ANKRD30BL: variants seen among roughly 807,000 people sequenced by gnomAD.
ANKRD30BL encodes putative ankyrin repeat domain-containing protein 30B-like.
A neutral mutation model predicts 18.4 loss-of-function variants in ANKRD30BL; 20 were observed. The observed-to-expected ratio is 1.09, with a 90% CI of 0.77 to 1.58. ANKRD30BL has a LOEUF of 1.58. ANKRD30BL is among the 40% of genes most tolerant of loss of function. ANKRD30BL has a pLI of 0.00. For synonymous variants in ANKRD30BL, 72 were observed against 100.9 expected (o/e 0.71, Z 1.72); for missense variants, 224 against 268.6 (o/e 0.83, Z 1.16).
chr2:132,148,927 C>T (rs1687686466), intron 5 of ANKRD30BL, among the ~76,000 whole-genome samples: 1 of 151,920 alleles, frequency 6.6e-6, no homozygotes, highest in South Asian at 2.1e-4. Flanking sequence ...TTAATGATAC[C>T]TGACAGTTAT....
intron 1 of ANKRD30BL, among the ~76,000 whole-genome samples, chr2:132,177,970 G>C (rs1049598397): frequency 6.6e-5 from 10 of 152,028 alleles, no homozygotes; most frequent in Non-Finnish European, 1.5e-4. Flanking sequence ...CATTAGAATT[G>C]TATGGGAGCT....
chr2:132,147,951 G>A lies in ANKRD30BL; in HGVS notation c.*180C>T, dbSNP rs2104911781. 1.7e-6 allele frequency: 1 copy of A among 582,906 alleles called. No individual in the cohort carries two copies. Among genetic ancestry groups the A allele is most frequent in the African/African-American group, 1.9e-5 (1 of 51,970 alleles). The allele number at this position is 582,906 out of a possible 1,614,324, so 36.1% of individuals were successfully genotyped here. On this transcript the variant is annotated 3_prime_UTR_variant, in exon 6 of 6. Transcript: ENST00000409867. ...GCTGTTTAATGAAACTAGGGGCAAG[G>A]AGGCATAACGAACGAGGAAGTTAAA...
At chr2:132,192,282 T>C (rs919486195) in intron 1 of ANKRD30BL, among the ~76,000 whole-genome samples, 2 of 152,084 alleles carry the variant, frequency 1.3e-5, no homozygotes, top group African/African-American at 4.8e-5. Context: ...CCAGGCTCCA[T>C]TGTGAACAGC....
intron 1 of ANKRD30BL, among the ~76,000 whole-genome samples, chr2:132,212,964 G>A (rs1490501267): frequency 6.6e-6 from 1 of 151,822 alleles, no homozygotes; most frequent in African/African-American, 2.4e-5. Flanking sequence ...AGCCTGTGGT[G>A]GAAAACGAAA....
chr2:132,233,855 C>T (rs62166174), intron 1 of ANKRD30BL, among the ~76,000 whole-genome samples: 8,937 of 151,664 alleles, frequency 0.059, 317 homozygotes, highest in South Asian at 0.12. Flanking sequence ...ATCTACAGAA[C>T]TCTCCACCCC....
chr2:132,188,117 T>C (rs1393933431), intron 1 of ANKRD30BL, among the ~76,000 whole-genome samples: 1 of 152,194 alleles, frequency 6.6e-6, no homozygotes, highest in African/African-American at 2.4e-5. Context: ...TCATATTTTC[T>C]GTGCTGTAAG....
At chr2:132,243,540 G>A (rs1197758342) in intron 1 of ANKRD30BL, among the ~76,000 whole-genome samples, 1 of 151,552 alleles carries the variant, frequency 6.6e-6, no homozygotes, top group Non-Finnish European at 1.5e-5. Context: ...CAGCACTGAG[G>A]ATTTCATTGG....
At chr2:132,230,256 A>C (rs888585647) in intron 1 of ANKRD30BL, among the ~76,000 whole-genome samples, 1 of 152,138 alleles carries the variant, frequency 6.6e-6, no homozygotes, top group Non-Finnish European at 1.5e-5. Flanking sequence ...AGAATCTGCA[A>C]GTGAATTTAT....
intron 1 of ANKRD30BL, among the ~76,000 whole-genome samples, chr2:132,225,605 A>G (rs1481436654): frequency 1.3e-5 from 2 of 152,052 alleles, no homozygotes; most frequent in Non-Finnish European, 2.9e-5. Flanking sequence ...CTCTTTTTGT[A>G]GAGTCTACAA....
chr2:132,230,839 C>A (rs1431280809), intron 1 of ANKRD30BL, among the ~76,000 whole-genome samples: 1 of 152,072 alleles, frequency 6.6e-6, no homozygotes, highest in Non-Finnish European at 1.5e-5. Context: ...TACACAGAAG[C>A]ATTCTCAGAA....
chr2:132,220,974 C>T (rs1322515088), intron 1 of ANKRD30BL, among the ~76,000 whole-genome samples: 6 of 151,454 alleles, frequency 4.0e-5, no homozygotes, highest in African/African-American at 7.3e-5. Flanking sequence ...TCTGCCCGGC[C>T]GCCCATCGTC....
intron 1 of ANKRD30BL, among the ~76,000 whole-genome samples, chr2:132,232,454 G>A (rs564040091): frequency 5.3e-4 from 81 of 152,192 alleles, no homozygotes; most frequent in African/African-American, 1.5e-3. Context: ...TTAGAAGCAC[G>A]TATAACTAGA....
intron 1 of ANKRD30BL, among the ~76,000 whole-genome samples, chr2:132,249,699 T>C (rs1680600914): frequency 1.3e-5 from 2 of 152,194 alleles, no homozygotes; most frequent in Admixed American, 6.6e-5. Flanking sequence ...TTGCCGATTC[T>C]ACAAAAATAC....
intron 1 of ANKRD30BL, among the ~76,000 whole-genome samples, chr2:132,252,827 T>C (rs16849038): frequency 6.6e-6 from 1 of 151,968 alleles, no homozygotes; most frequent in Non-Finnish European, 1.5e-5. Context: ...GCATGAGGCA[T>C]GAGGGAGCCC....
chr2:132,187,458 GC>G (rs1164217456), intron 1 of ANKRD30BL, among the ~76,000 whole-genome samples: 1 of 151,850 alleles, frequency 6.6e-6, no homozygotes, highest in Non-Finnish European at 1.5e-5. Flanking sequence ...GGGACCACAG[GC>G]GCCCGCCACC....
intron 1 of ANKRD30BL, among the ~76,000 whole-genome samples, chr2:132,201,964 A>G (rs1310999343): frequency 6.6e-6 from 1 of 152,254 alleles, no homozygotes; most frequent in Non-Finnish European, 1.5e-5. Flanking sequence ...ATGCAGCCAT[A>G]AAAATTGATG....
chr2:132,196,246 A>G (rs2104742570), intron 1 of ANKRD30BL, among the ~76,000 whole-genome samples: 1 of 152,344 alleles, frequency 6.6e-6, no homozygotes, highest in Non-Finnish European at 1.5e-5. Context: ...TGGGAGGCCA[A>G]GGTGGGTGGA....
At chr2:132,253,134 G>T in intron 1 of ANKRD30BL, 1 of 200,568 alleles carries the variant, frequency 5.0e-6, no homozygotes, top group Non-Finnish European at 1.1e-5. Flanking sequence ...AGGCAACCCT[G>T]GGGGATTTTG....
Position 132,216,503 on chromosome 2 carries a change from C to T in ANKRD30BL, n.441+41026G>A, listed in dbSNP as rs550787125. Among the ~76,000 whole-genome samples, 6 of 151,960 alleles carry T rather than the reference C, an allele frequency of 3.9e-5. No individual in the cohort carries two copies. In the East Asian group the frequency reaches 1.2e-3, roughly 30 times the overall value. ...AGTGGACATTTTGTTCGCTTTGAGG[C>T]CTATGGTGGAAAAGGAAATATCTTC... On this transcript the variant is annotated intron_variant and non_coding_transcript_variant, in intron 1 of 4. Coordinates refer to the ANKRD30BL transcript ENST00000470729.
Sources: gnomAD v4.1 joint callset for allele counts (sites outside exome capture counted in the v4.1 genomes callset) on GRCh38, gnomAD v4.1.1 for gene constraint, MANE v1.5 for transcripts, NCBI Gene and HGNC (gene_info 2026-07-23, HGNC 2026-07-21) for gene names.